Variants in SKA3 observed in about 807,000 individuals in gnomAD.
SKA3 encodes spindle and kinetochore associated complex subunit 3, also known as spindle and kinetochore-associated protein 3.
Under a neutral mutation model 44.2 loss-of-function variants are expected in SKA3, and 39 were observed. The ratio of observed to expected loss-of-function variants is 0.88; its 90% CI spans 0.68 to 1.15. The LOEUF is 1.15. Among genes scored for constraint, SKA3 ranks in the 50% most tolerant of loss-of-function variants. The pLI is 0.00. For missense variants in SKA3, 511 were observed against 485.8 expected, an observed-to-expected ratio of 1.05 and a Z score of -0.49; for synonymous variants, 192 against 172.0, an observed-to-expected ratio of 1.12 and a Z score of -0.91.
At chr13:21,160,121 C>T (rs1870356834) in intron 5 of SKA3, 134 bp from the exon 6 acceptor site, 4 of 529,182 alleles carry the variant, frequency 7.6e-6, no homozygotes, top group South Asian at 3.3e-5. Flanking sequence ...AAGAGTAATA[C>T]ACAATAACAA....
Position 21,174,341 on chromosome 13 carries a change from A to G in SKA3, c.104-1660T>C, listed in dbSNP as rs542106337. ...ATAGCAAAGACTTGGAACCAACCCAAATGTCCATCAATGATAGACTGGATT... is the reference window on the plus strand; with the variant it reads ...ATAGCAAAGACTTGGAACCAACCCAGATGTCCATCAATGATAGACTGGATT... On this transcript the variant is annotated intron_variant, in intron 1 of 8. Coordinates refer to ENST00000314759, the MANE Select transcript of SKA3 (RefSeq NM_145061.6). Among the ~76,000 whole-genome samples the G allele has an allele frequency of 3.2e-4, 48 of 152,354 alleles. No individual in the cohort carries two copies. In the Middle Eastern group the frequency reaches 0.01, roughly 32 times the overall value.
Position 21,156,262 on chromosome 13 carries a change from A to G in SKA3, c.1120-451T>C, listed in dbSNP as rs369428924. ...TAGAAATTTAACTTGGATGTGAAGG[A>G]CTGATTTTTAAAGCTTAAAATGTAT... is the stretch of plus-strand genomic sequence containing the variant. On this transcript the variant is annotated intron_variant, in intron 7 of 8. Coordinates refer to ENST00000314759, the MANE Select transcript of SKA3 (RefSeq NM_145061.6). Among the ~76,000 whole-genome samples, 5 of 152,028 alleles carry G rather than the reference A, an allele frequency of 3.3e-5. No individual in the cohort carries two copies. In the East Asian group the frequency reaches 9.6e-4, roughly 29 times the overall value.
intron 3 of SKA3, among the ~76,000 whole-genome samples, chr13:21,171,737 A>C (rs1361467971): frequency 6.6e-6 from 1 of 152,126 alleles, no homozygotes; most frequent in Admixed American, 6.6e-5. Context: ...AAACATTCCC[A>C]CTTTACAAAT....
chr13:21,157,225 T>C (rs1870161880), intron 7 of SKA3, among the ~76,000 whole-genome samples: 1 of 152,230 alleles, frequency 6.6e-6, no homozygotes, highest in African/African-American at 2.4e-5. Context: ...TGCTGTTAAA[T>C]ACTAAAGAAT....
chr13:21,175,663 T>G (rs1871459163), intron 1 of SKA3, among the ~76,000 whole-genome samples: 1 of 152,208 alleles, frequency 6.6e-6, no homozygotes, highest in South Asian at 2.1e-4. Context: ...TAAAGCACAT[T>G]ACAATTATGA....
chr13:21,172,347 T>G lies in SKA3; in HGVS notation c.323A>C (p.Lys108Thr). ...AATGAAGTTATTCAAACCTGAATTT[T>G]TCTTGACACGTGGACTATATCCATA... is the stretch of plus-strand genomic sequence containing the variant. The part of the protein sequence containing the change: ...QKYGYSPRVK[K>T]NSVHEQEAIN... Residue 108 changes from lysine (K) to threonine (T), a missense_variant, in exon 3 of 9, where the codon AAA (lysine) becomes ACA (threonine). Lys to Thr is a moderately conservative substitution (Grantham distance 78). Transcript: ENST00000314759. 6.5e-7 allele frequency: 1 copy of G among 1,542,838 alleles called. No homozygotes were observed. The highest frequency in any genetic ancestry group is 1.4e-5 in the African/African-American group (1 of 70,396).
intron 3 of SKA3, among the ~76,000 whole-genome samples, 158 bp from the exon 4 acceptor site, chr13:21,168,557 C>T (rs1417952044): frequency 6.6e-6 from 1 of 152,304 alleles, no homozygotes; most frequent in Non-Finnish European, 1.5e-5. Context: ...GACAGGGTCT[C>T]GCTCTGCCAC....
At chr13:21,166,753 A>G (rs2137372042) in intron 4 of SKA3, among the ~76,000 whole-genome samples, 1 of 152,214 alleles carries the variant, frequency 6.6e-6, no homozygotes, top group Middle Eastern at 3.4e-3. Flanking sequence ...AAACAAACAA[A>G]CAAAACACAC....
chr13:21,155,723 T>C lies in SKA3; in HGVS notation c.1208A>G (p.Asn403Ser), dbSNP rs775650600. The change falls in exon 8 of 9, where the codon AAC becomes AGC. Residue 403 changes from asparagine to serine, a missense_variant. Asn to Ser is a conservative substitution (Grantham distance 46). Transcript: ENST00000314759. ...TTCTTTGTTGCTGACATCTCGGATG[T>C]TCTGTCCATGTTTAAGGAACCTTTT... is the stretch of plus-strand genomic sequence containing the variant. ...PSKRFLKHGQ[N>S]IRDVSNKEN 6.2e-7 allele frequency: 1 copy of C among 1,609,350 alleles called. No individual in the cohort carries two copies. Among genetic ancestry groups the C allele is most frequent in the East Asian group, 2.2e-5 (1 of 44,858 alleles).
chr13:21,154,739 T>C lies in SKA3; in HGVS notation c.*411A>G, dbSNP rs1192658639. On this transcript the variant is annotated 3_prime_UTR_variant, in exon 9 of 9. Transcript: ENST00000314759. The stretch of plus-strand genomic sequence containing the variant: ...GCAAGTAAAAGGTGTGGGACGGTCC[T>C]GAAAGGAGATGATGGGAAGGCAGAG... 6.9e-6 allele frequency: 2 copies of C among 290,266 alleles called. No homozygotes were observed. The highest frequency in any genetic ancestry group is 4.8e-5 in the Admixed American group (1 of 20,698). The allele number at this position is 290,266 out of a possible 1,614,324, so 18.0% of individuals were successfully genotyped here.
At chr13:21,165,024 A>G (rs1870630296) in intron 4 of SKA3, among the ~76,000 whole-genome samples, 1 of 152,026 alleles carries the variant, frequency 6.6e-6, no homozygotes, top group South Asian at 2.1e-4. Context: ...TAACTTATCT[A>G]TATTTTCTTT....
chr13:21,172,735 G>C, intron 1 of SKA3, 54 bp from the exon 2 acceptor site: 2 of 1,075,114 alleles, frequency 1.9e-6, no homozygotes, highest in South Asian at 3.0e-5. Context: ...GGAAAAGGAG[G>C]AAGAAAAAGA....
At chr13:21,163,951 C>A (rs1375206119) in intron 4 of SKA3, among the ~76,000 whole-genome samples, 1 of 151,010 alleles carries the variant, frequency 6.6e-6, no homozygotes, top group Non-Finnish European at 1.5e-5. Flanking sequence ...TTTAGTAGAG[C>A]CAGGGTTTCA....
At chr13:21,176,327 C>G (rs1318899099) in intron 1 of SKA3, 48 bp downstream of exon 1, 13 of 1,480,868 alleles carry the variant, frequency 8.8e-6, no homozygotes, top group Middle Eastern at 2.3e-4. Context: ...CGCCCCTCCG[C>G]CCGCGGCGCA....
chr13:21,159,431 T>C (rs1362715837), intron 6 of SKA3, among the ~76,000 whole-genome samples: 3 of 152,198 alleles, frequency 2.0e-5, no homozygotes, highest in African/African-American at 7.2e-5. Flanking sequence ...AATATGTGTA[T>C]ATATATGTGT....
intron 4 of SKA3, 37 bp from the exon 5 acceptor site, chr13:21,161,912 A>C (rs1870465173): frequency 8.8e-7 from 1 of 1,132,986 alleles, no homozygotes; most frequent in African/African-American, 1.5e-5. Context: ...AGGTTAAAAA[A>C]GTTAACATTC....
chr13:21,175,057 AC>A (rs985081728), intron 1 of SKA3, among the ~76,000 whole-genome samples: 31 of 151,914 alleles, frequency 2.0e-4, no homozygotes, highest in African/African-American at 7.5e-4. Context: ...GGTCACTGCA[AC>A]CTCCGCTTCC....
At chr13:21,162,005 T>G in intron 4 of SKA3, 130 bp from the exon 5 acceptor site, 2 of 486,948 alleles carry the variant, frequency 4.1e-6, no homozygotes, top group Non-Finnish European at 7.1e-6. Context: ...AGAAGTCCCA[T>G]GAAACAAATT....
In SKA3 at chr13:21,154,666, G is replaced by A. The variant is rs1870000589; in HGVS notation, c.*484C>T. The stretch of plus-strand genomic sequence containing the variant: ...CCTCTTTTCCTAATTAGTTTAACTG[G>A]TGTTCCTGTTGTTTGCAAACAGCAA... On this transcript the variant is annotated 3_prime_UTR_variant, in exon 9 of 9. Coordinates refer to ENST00000314759, the MANE Select transcript of SKA3 (RefSeq NM_145061.6). 1 of 173,898 alleles carries A rather than the reference G, an allele frequency of 5.8e-6. No individual in the cohort carries two copies. The highest frequency in any genetic ancestry group is 1.2e-5 in the Non-Finnish European group (1 of 80,864). The allele number at this position is 173,898 out of a possible 1,614,324, so 10.8% of individuals were successfully genotyped here. A position where few individuals can be genotyped will look rare whatever the true frequency, so the allele number is the denominator to read the frequency against.
Sources: gnomAD v4.1 joint callset for allele counts (sites outside exome capture counted in the v4.1 genomes callset) on GRCh38, gnomAD v4.1.1 for gene constraint, MANE v1.5 for transcripts, NCBI Gene and HGNC (gene_info 2026-07-23, HGNC 2026-07-21) for gene names.